The following RANBP2 variants were observed in gnomAD, a reference collection of about 807,000 sequenced individuals.
The protein encoded by RANBP2 is E3 SUMO-protein ligase RanBP2.
In RANBP2, 57 loss-of-function variants were observed where a neutral mutation model predicts 303.6. That is an observed-to-expected ratio of 0.19 (90% CI 0.15 to 0.23). The LOEUF (loss-of-function observed/expected upper bound fraction) is 0.23, where lower values mean the gene tolerates loss of function less well. RANBP2 is among the 10% of genes least tolerant of loss of function. RANBP2 has a pLI of 1.00. For synonymous variants in RANBP2, 1,167 were observed against 1,301.5 expected, an observed-to-expected ratio of 0.90 and a Z score of 2.23; for missense variants, 3,138 against 3,780.8, an observed-to-expected ratio of 0.83 and a Z score of 4.46.
At chr2:109,392,440 G>C in the RANBP2 span, among the ~76,000 whole-genome samples, 1 of 152,162 alleles carries the variant, frequency 6.6e-6, no homozygotes, top group African/African-American at 2.4e-5. Context: ...GTGGATATAA[G>C]GGTCTGATGG....
chr2:109,544,360 T>A, the RANBP2 span: 6 of 1,556,806 alleles, frequency 3.9e-6, no homozygotes, highest in East Asian at 2.2e-5. Flanking sequence ...TGGTACAATT[T>A]AAAAAAAATT....
At chr2:109,531,776 A>G in the RANBP2 span, among the ~76,000 whole-genome samples, 2 of 152,326 alleles carry the variant, frequency 1.3e-5, no homozygotes, top group East Asian at 3.9e-4. Flanking sequence ...TAAATATTGC[A>G]TCTACTGATT....
At chr2:109,464,503 AATAC>A in the RANBP2 span, among the ~76,000 whole-genome samples, 6 of 152,138 alleles carry the variant, frequency 3.9e-5, no homozygotes, top group African/African-American at 1.2e-4. Context: ...TGCATACACA[AATAC>A]ATACATGCAT....
chr2:109,361,663 A>T, the RANBP2 span, among the ~76,000 whole-genome samples: 1 of 152,122 alleles, frequency 6.6e-6, no homozygotes, highest in Non-Finnish European at 1.5e-5. Flanking sequence ...TTTAGTAGAG[A>T]TGGGGTTTCA....
chr2:109,572,095 A>G, the RANBP2 span, among the ~76,000 whole-genome samples: 11 of 152,200 alleles, frequency 7.2e-5, no homozygotes, highest in African/African-American at 2.7e-4. Context: ...TAATCTTCCC[A>G]AAAGTCTTAG....
chr2:109,337,859 C>G, the RANBP2 span, among the ~76,000 whole-genome samples: 1 of 152,052 alleles, frequency 6.6e-6, no homozygotes, highest in East Asian at 1.9e-4. Flanking sequence ...TCCCGAGTAG[C>G]TGGGACTGCA....
At chr2:109,744,675 C>A in the RANBP2 span, among the ~76,000 whole-genome samples, 2 of 86,898 alleles carry the variant, frequency 2.3e-5, 1 homozygote, top group African/African-American at 6.1e-5. Flanking sequence ...AAAAGATGCT[C>A]AACATCATAT....
the RANBP2 span, among the ~76,000 whole-genome samples, chr2:109,320,399 G>A: frequency 6.6e-6 from 1 of 152,190 alleles, no homozygotes; most frequent in South Asian, 2.1e-4. Flanking sequence ...ACCACAGTGA[G>A]TGCAAAACCA....
chr2:109,736,242 G>GC, the RANBP2 span, among the ~76,000 whole-genome samples: 1,822 of 152,208 alleles, frequency 0.012, 20 homozygotes, highest in Non-Finnish European at 0.02. Context: ...GCCTCTGCAC[G>GC]CACTGCAGCA....
intron 20 of RANBP2, 86 bp from the exon 21 acceptor site, chr2:108,771,615 G>A (rs1677499434): frequency 1.3e-6 from 2 of 1,584,660 alleles, no homozygotes; most frequent in Middle Eastern, 1.7e-4. Context: ...CCTATAGATA[G>A]GTTCCATGGT....
chr2:109,232,518 C>T, the RANBP2 span, among the ~76,000 whole-genome samples: 3 of 152,168 alleles, frequency 2.0e-5, no homozygotes, highest in South Asian at 6.2e-4. Context: ...GGAAATGAAA[C>T]AGCACAGCGT....
the RANBP2 span, among the ~76,000 whole-genome samples, chr2:109,282,591 C>T: frequency 6.3e-4 from 96 of 152,322 alleles, no homozygotes; most frequent in Non-Finnish European, 1.0e-3. Flanking sequence ...AGGAGAACGG[C>T]GCACAGAGCC....
chr2:109,554,050 T>G, the RANBP2 span, among the ~76,000 whole-genome samples: 2 of 152,188 alleles, frequency 1.3e-5, no homozygotes, highest in African/African-American at 4.8e-5. Flanking sequence ...ACCAAACTTC[T>G]AAATAAAGAC....
the RANBP2 span, among the ~76,000 whole-genome samples, chr2:108,932,762 G>A: frequency 6.6e-6 from 1 of 152,090 alleles, no homozygotes; most frequent in Non-Finnish European, 1.5e-5. Flanking sequence ...CCAATGCCAA[G>A]TACATATGTG....
At chr2:109,490,669 C>T in the RANBP2 span, 1 of 1,521,050 alleles carries the variant, frequency 6.6e-7, no homozygotes, top group Admixed American at 2.0e-5. Context: ...AAGTCACGCT[C>T]CCCGCCATCT....
At chr2:109,329,035 G>A in the RANBP2 span, among the ~76,000 whole-genome samples, 3 of 152,202 alleles carry the variant, frequency 2.0e-5, no homozygotes, top group African/African-American at 7.2e-5. Flanking sequence ...CACAGAGGCA[G>A]TCATCTTAGT....
chr2:109,261,714 A>C, the RANBP2 span, among the ~76,000 whole-genome samples: 1 of 152,128 alleles, frequency 6.6e-6, no homozygotes. Flanking sequence ...TGTGTATTTA[A>C]AATTTGGCTC....
chr2:108,809,656 T>C, the RANBP2 span, among the ~76,000 whole-genome samples: 7 of 152,214 alleles, frequency 4.6e-5, no homozygotes, highest in African/African-American at 1.7e-4. Context: ...TTGGAAATGC[T>C]ACTGATTTTT....
At chr2:109,446,072 T>C in the RANBP2 span, among the ~76,000 whole-genome samples, 1 of 152,106 alleles carries the variant, frequency 6.6e-6, no homozygotes, top group Non-Finnish European at 1.5e-5. Flanking sequence ...TGGGCTACTT[T>C]GGCATCACTA....
Sources: allele counts gnomAD v4.1 joint callset (sites outside exome capture counted in the v4.1 genomes callset), GRCh38; gene constraint gnomAD v4.1.1; transcripts MANE v1.5; gene names NCBI Gene and HGNC (gene_info 2026-07-23, HGNC 2026-07-21).